Variants in RAD54L2 observed in about 807,000 individuals in gnomAD.
RAD54L2 encodes RAD54 like 2.
A neutral mutation model predicts 138.4 loss-of-function variants in RAD54L2; 27 were observed. That is an observed-to-expected ratio of 0.20 (90% CI 0.14 to 0.27). RAD54L2 has a LOEUF of 0.27. RAD54L2 is among the 10% of genes least tolerant of loss of function. The probability of loss-of-function intolerance (pLI) is 1.00; values close to 1 mark genes in which losing one functional copy is unlikely to be tolerated. For missense variants in RAD54L2, 1,396 were observed against 1,890.2 expected (o/e 0.74, Z 4.85); for synonymous variants, 644 against 723.2 (o/e 0.89, Z 1.76).
At chr3:51,640,735 A>G (rs1701112260) in intron 14 of RAD54L2, among the ~76,000 whole-genome samples, 1 of 152,216 alleles carries the variant, frequency 6.6e-6, no homozygotes, top group South Asian at 2.1e-4. Context: ...GGTATCTTGG[A>G]AGCAGTCGAG....
chr3:51,655,079 C>A (rs979684341), intron 19 of RAD54L2, among the ~76,000 whole-genome samples: 4 of 152,140 alleles, frequency 2.6e-5, no homozygotes, highest in Non-Finnish European at 4.4e-5. Context: ...ACCAAAGGGG[C>A]CTTTAAAAAC....
rs200803949 is a variant in RAD54L2, at chr3:51,645,268, C to G, written c.2656+39C>G. 60 of 1,536,538 alleles carry G rather than the reference C, an allele frequency of 3.9e-5. 1 individual carries two copies. In the East Asian group the frequency reaches 1.4e-3, roughly 35 times the overall value. On this transcript the variant is annotated intron_variant, in intron 17 of 22. Coordinates refer to ENST00000684192, the MANE Select transcript of RAD54L2 (RefSeq NM_015106.4). The surrounding 1 kb of genome is among the most constrained non-coding windows in gnomAD (Gnocchi z 6.1). The stretch of plus-strand genomic sequence containing the variant: ...CAGACTTCGGAGAGGCACATCTATA[C>G]AGGCTACCATCCTTTTAGTATCAAG...
chr3:51,596,716 T>C (rs1577412370), intron 3 of RAD54L2, among the ~76,000 whole-genome samples: 1 of 152,190 alleles, frequency 6.6e-6, no homozygotes, highest in East Asian at 1.9e-4. Flanking sequence ...TTTCCTCCAG[T>C]GCTTTTACTT....
intron 3 of RAD54L2, among the ~76,000 whole-genome samples, chr3:51,591,499 A>G (rs1377179263): frequency 6.6e-6 from 1 of 152,146 alleles, no homozygotes; most frequent in Non-Finnish European, 1.5e-5. Flanking sequence ...TACTATCTTC[A>G]GTTCTCATTC....
chr3:51,659,098 GT>G (rs1014568687), intron 21 of RAD54L2, among the ~76,000 whole-genome samples: 121 of 75,038 alleles, frequency 1.6e-3, no homozygotes, highest in South Asian at 3.0e-3. Flanking sequence ...TCCGGCTCTT[GT>G]TTTTTTTTTT....
Position 51,656,237 on chromosome 3 carries a change from G to A in RAD54L2, c.3226+67G>A, listed in dbSNP as rs1020287423. On this transcript the variant is annotated intron_variant, in intron 20 of 22. Coordinates refer to ENST00000684192, the MANE Select transcript of RAD54L2 (RefSeq NM_015106.4). ...TAAAATTACTTTGTTCATTTAGGAA[G>A]TATCTATTAAACACCTTTTGTATTT... The A allele has an allele frequency of 6.4e-6, 9 of 1,405,760 alleles. No homozygotes were observed. In the African/African-American group the frequency reaches 8.6e-5, roughly 13 times the overall value. The allele number at this position is 1,405,760 out of a possible 1,614,324, so 87.1% of individuals were successfully genotyped here.
At chr3:51,641,962 A>C (rs886137824) in intron 15 of RAD54L2, 95 bp downstream of exon 15, 1 of 849,248 alleles carries the variant, frequency 1.2e-6, no homozygotes, top group Non-Finnish European at 1.9e-6. Flanking sequence ...ACTCCATCAA[A>C]TGCATAGGAA....
chr3:51,637,998 C>A lies in RAD54L2; in HGVS notation c.1683-146C>A. 2 of 727,162 alleles carry A rather than the reference C, an allele frequency of 2.8e-6. No homozygotes were observed. Among genetic ancestry groups the A allele is most frequent in the South Asian group, 2.0e-5 (1 of 49,026 alleles). The allele number at this position is 727,162 out of a possible 1,614,324, so 45.0% of individuals were successfully genotyped here. A position where few individuals can be genotyped will look rare whatever the true frequency, so the allele number is the denominator to read the frequency against. ...GGTGAGTTTCTTCTTGGTTGTTGAA[C>A]CACTCTGCATTATTGCAAGGCTGCA... On this transcript the variant is annotated intron_variant, in intron 11 of 22. Coordinates refer to ENST00000684192, the MANE Select transcript of RAD54L2 (RefSeq NM_015106.4). The surrounding 1 kb of genome is among the most constrained non-coding windows in gnomAD (Gnocchi z 5.9).
intron 15 of RAD54L2, 91 bp downstream of exon 15, chr3:51,641,958 T>C: frequency 1.1e-6 from 1 of 887,522 alleles, no homozygotes; most frequent in Non-Finnish European, 1.8e-6. Context: ...CTCCACTCCA[T>C]CAAATGCATA....
chr3:51,591,875 C>T (rs1226103076), intron 3 of RAD54L2, among the ~76,000 whole-genome samples: 2 of 152,092 alleles, frequency 1.3e-5, no homozygotes, highest in African/African-American at 4.8e-5. Flanking sequence ...TGGATATATA[C>T]ACACTATCTT....
intron 3 of RAD54L2, among the ~76,000 whole-genome samples, chr3:51,591,346 G>A (rs576958595): frequency 2.8e-4 from 42 of 152,282 alleles, no homozygotes; most frequent in African/African-American, 1.0e-3. Context: ...GTTTTTGTCT[G>A]TTCATAACAG....
intron 2 of RAD54L2, among the ~76,000 whole-genome samples, chr3:51,546,640 CAAAAACA>C (rs782396617): frequency 7.9e-5 from 12 of 151,358 alleles, no homozygotes; most frequent in South Asian, 2.1e-4. Context: ...AACTGCGTCT[CAAAAACA>C]AAAAACAAAA....
intron 3 of RAD54L2, among the ~76,000 whole-genome samples, chr3:51,619,909 A>C (rs1310374873): frequency 1.3e-5 from 2 of 152,050 alleles, no homozygotes; most frequent in African/African-American, 4.8e-5. Context: ...ATCTCTGTGC[A>C]TTATGTATTG....
In RAD54L2 at chr3:51,637,635, C is replaced by A; in HGVS notation, c.1682+132C>A. ...TCCCTGGGGCAGTAGTAAAACTTTG[C>A]TTCCTGTGACAAGCTAGCAGATGGT... On this transcript the variant is annotated intron_variant, in intron 11 of 22. Transcript: ENST00000684192. The surrounding 1 kb of genome is among the most constrained non-coding windows in gnomAD (Gnocchi z 5.9). The A allele has an allele frequency of 1.1e-6, 1 of 884,184 alleles. No individual in the cohort carries two copies. The highest frequency in any genetic ancestry group is 1.7e-6 in the Non-Finnish European group (1 of 596,806). 54.8% of individuals were successfully genotyped at this position (884,184 alleles called of 1,614,324 possible). A position where few individuals can be genotyped will look rare whatever the true frequency, so the allele number is the denominator to read the frequency against.
chr3:51,550,295 AT>A, intron 2 of RAD54L2, among the ~76,000 whole-genome samples: 1 of 152,020 alleles, frequency 6.6e-6, no homozygotes, highest in Non-Finnish European at 1.5e-5. Flanking sequence ...GCTCTCAAAT[AT>A]TTTCCCCATT....
At position 51,662,926 on chromosome 3, in the gene RAD54L2, AACCTC is replaced by A; in HGVS notation, c.3914_3918del (p.Leu1305HisfsTer39). On this transcript the variant is annotated frameshift_variant, in exon 23 of 23. Coordinates refer to ENST00000684192, the MANE Select transcript of RAD54L2 (RefSeq NM_015106.4). LOFTEE classifies it high-confidence loss of function. This position sits in a 1 kb window ranked among gnomAD's most constrained non-coding sequence, Gnocchi z 4.6. ...CATGCCACCCGTCTCCTTAAACCAT[AACCTC>A]ACCACCCCCTTCACCTCCCAGGCTG... The A allele has an allele frequency of 6.2e-7, 1 of 1,613,450 alleles. No homozygotes were observed. Among genetic ancestry groups the A allele is most frequent in the Non-Finnish European group, 8.5e-7 (1 of 1,179,750 alleles).
chr3:51,628,904 C>T (rs750269412), intron 4 of RAD54L2, among the ~76,000 whole-genome samples: 6 of 151,776 alleles, frequency 4.0e-5, no homozygotes, highest in Non-Finnish European at 7.4e-5. Context: ...TTAGTAGAGA[C>T]GGGGTTTTGC....
chr3:51,595,837 A>G (rs1699945981), intron 3 of RAD54L2, among the ~76,000 whole-genome samples: 1 of 151,598 alleles, frequency 6.6e-6, no homozygotes, highest in African/African-American at 2.4e-5. Context: ...TAACACGTTT[A>G]GGGTCTGTTG....
chr3:51,607,078 ATTTT>A (rs1393623455), intron 3 of RAD54L2, among the ~76,000 whole-genome samples: 4 of 137,178 alleles, frequency 2.9e-5, no homozygotes, highest in African/African-American at 1.1e-4. Context: ...ATTTTTTTTT[ATTTT>A]TTTATTTTTT....
Sources: gnomAD v4.1 joint callset for allele counts (sites outside exome capture counted in the v4.1 genomes callset) on GRCh38, gnomAD v4.1.1 for gene constraint, Gnocchi (gnomAD v3.1) non-coding constraint, MANE v1.5 for transcripts, NCBI Gene and HGNC (gene_info 2026-07-23, HGNC 2026-07-21) for gene names.